STX8: variants seen among roughly 807,000 people sequenced by gnomAD.
STX8 encodes the protein syntaxin-8.
In STX8, 23 loss-of-function variants were observed where a neutral mutation model predicts 37.5. That is an observed-to-expected ratio of 0.61 (90% CI 0.44 to 0.87). The LOEUF (loss-of-function observed/expected upper bound fraction) is 0.87, where lower values mean the gene tolerates loss of function less well. Ranked by LOEUF, STX8 falls within the 40% of genes least tolerant of loss-of-function variation. The pLI is 0.00. For missense variants in STX8, 313 were observed against 284.7 expected (o/e 1.10, Z -0.71); for synonymous variants, 115 against 99.1 (o/e 1.16, Z -0.95).
chr17:9,454,689 AAC>A lies in STX8; in HGVS notation c.541+37138_541+37139del, dbSNP rs1304303166. Among the ~76,000 whole-genome samples, 868 of 149,366 alleles carry A rather than the reference AAC, an allele frequency of 5.8e-3. 20 individuals are homozygous for A. Among genetic ancestry groups the A allele is most frequent in the South Asian group, 0.04 (180 of 4,552 alleles). ...AGCGAGACTGTCTCAAAAAAAAAAA[AAC>A]AAAAAAACTTATGAATTGTTTTTCC... On this transcript the variant is annotated intron_variant, in intron 6 of 7. Transcript: ENST00000306357.
chr17:9,433,571 A>G (rs367586254), intron 6 of STX8, among the ~76,000 whole-genome samples: 102 of 152,236 alleles, frequency 6.7e-4, no homozygotes, highest in African/African-American at 2.3e-3. Context: ...ATGTACACCT[A>G]TCTCCAAACT....
At chr17:9,528,027 G>A (rs1443806439) in intron 4 of STX8, among the ~76,000 whole-genome samples, 3 of 152,156 alleles carry the variant, frequency 2.0e-5, no homozygotes, top group African/African-American at 7.2e-5. Context: ...TACAACTGAC[G>A]AATTTGTCAG....
chr17:9,277,687 G>T (rs1161334240), intron 7 of STX8, among the ~76,000 whole-genome samples: 1 of 152,154 alleles, frequency 6.6e-6, no homozygotes, highest in African/African-American at 2.4e-5. Flanking sequence ...CTTTAATGGG[G>T]TGGTCAGATA....
chr17:9,421,412 A>T (rs11650122), intron 6 of STX8, among the ~76,000 whole-genome samples: 832 of 64,934 alleles, frequency 0.013, 4 homozygotes, highest in Non-Finnish European at 0.017. Flanking sequence ...AAAAAAAAAA[A>T]TTTTTTTTTT....
chr17:9,368,926 T>C (rs895792201), intron 7 of STX8, among the ~76,000 whole-genome samples: 6 of 150,834 alleles, frequency 4.0e-5, no homozygotes, highest in African/African-American at 1.5e-4. Context: ...TTTACCCTTT[T>C]TTTTTTTTTT....
intron 7 of STX8, among the ~76,000 whole-genome samples, chr17:9,302,537 A>T (rs1253747467): frequency 6.6e-6 from 1 of 152,138 alleles, no homozygotes; most frequent in Non-Finnish European, 1.5e-5. Context: ...GTGCTTAAAT[A>T]GCCACCCTGC....
intron 6 of STX8, among the ~76,000 whole-genome samples, chr17:9,450,967 T>C (rs1018554043): frequency 1.3e-5 from 2 of 152,198 alleles, no homozygotes; most frequent in African/African-American, 4.8e-5. Context: ...GCATGGACTG[T>C]GTTCTGGGCC....
At chr17:9,383,825 C>T (rs1030723530) in intron 6 of STX8, among the ~76,000 whole-genome samples, 3 of 151,764 alleles carry the variant, frequency 2.0e-5, no homozygotes, top group African/African-American at 7.3e-5. Flanking sequence ...TGATAAAGAA[C>T]GGAGAAAAAA....
chr17:9,419,070 T>G (rs1913327174), intron 6 of STX8, among the ~76,000 whole-genome samples: 1 of 151,572 alleles, frequency 6.6e-6, no homozygotes, highest in African/African-American at 2.4e-5. Flanking sequence ...ACTACAGACC[T>G]GTGCCATCAT....
At chr17:9,477,885 G>A (rs1343296187) in intron 6 of STX8, among the ~76,000 whole-genome samples, 1 of 152,162 alleles carries the variant, frequency 6.6e-6, no homozygotes, top group Admixed American at 6.5e-5. Context: ...TTCCCATAAA[G>A]CTGTCATTTC....
intron 7 of STX8, among the ~76,000 whole-genome samples, chr17:9,284,156 A>C (rs555610969): frequency 6.6e-6 from 1 of 152,258 alleles, no homozygotes; most frequent in South Asian, 2.1e-4. Flanking sequence ...AGTTAACTTA[A>C]TTTTTCCATC....
chr17:9,447,323 T>C (rs1292748034), intron 6 of STX8, among the ~76,000 whole-genome samples: 1 of 152,182 alleles, frequency 6.6e-6, no homozygotes, highest in Non-Finnish European at 1.5e-5. Context: ...GTGTGCACAA[T>C]ACGTTAGAAT....
chr17:9,427,155 T>C (rs1291423590), intron 6 of STX8, among the ~76,000 whole-genome samples: 1 of 152,172 alleles, frequency 6.6e-6, no homozygotes, highest in African/African-American at 2.4e-5. Flanking sequence ...CGTGGCTTAG[T>C]TGTTCAGAAC....
chr17:9,508,336 A>AT (rs1269712062), intron 4 of STX8, among the ~76,000 whole-genome samples: 1 of 151,918 alleles, frequency 6.6e-6, no homozygotes, highest in African/African-American at 2.4e-5. Flanking sequence ...TTATTTATTT[A>AT]TTTTTTTGGA....
At chr17:9,510,616 A>G (rs1002294337) in intron 4 of STX8, among the ~76,000 whole-genome samples, 1 of 152,156 alleles carries the variant, frequency 6.6e-6, no homozygotes, top group Non-Finnish European at 1.5e-5. Flanking sequence ...GGACACAGCA[A>G]AAGTAGTACT....
intron 6 of STX8, among the ~76,000 whole-genome samples, chr17:9,426,059 ATC>A (rs1463555294): frequency 5.1e-5 from 5 of 97,812 alleles, no homozygotes; most frequent in African/African-American, 2.6e-4. Context: ...AACCTAGACA[ATC>A]TGTCTTTAAT....
intron 7 of STX8, among the ~76,000 whole-genome samples, chr17:9,267,868 G>A (rs894995672): frequency 6.6e-6 from 1 of 152,026 alleles, no homozygotes; most frequent in East Asian, 1.9e-4. Flanking sequence ...GTGGGTGCCT[G>A]TAATCTCAGC....
intron 6 of STX8, among the ~76,000 whole-genome samples, chr17:9,408,167 C>A (rs1191982186): frequency 6.6e-6 from 1 of 152,164 alleles, no homozygotes; most frequent in Non-Finnish European, 1.5e-5. Context: ...CCCCAGACCC[C>A]TTATATAGGA....
intron 6 of STX8, among the ~76,000 whole-genome samples, chr17:9,424,659 C>T (rs774731530): frequency 4.6e-5 from 7 of 152,138 alleles, no homozygotes; most frequent in Non-Finnish European, 1.0e-4. Flanking sequence ...CTTCGAGTTA[C>T]AGAATCAGCT....
Sources: allele counts gnomAD v4.1 joint callset (sites outside exome capture counted in the v4.1 genomes callset), GRCh38; gene constraint gnomAD v4.1.1; transcripts MANE v1.5; gene names NCBI Gene and HGNC (gene_info 2026-07-23, HGNC 2026-07-21).